Variants in SYT14 observed in about 807,000 individuals in gnomAD.
The protein encoded by SYT14 is synaptotagmin 14.
Under a neutral mutation model 74.2 loss-of-function variants are expected in SYT14, and 32 were observed. The observed-to-expected ratio is 0.43, with a 90% CI of 0.33 to 0.58. The LOEUF (loss-of-function observed/expected upper bound fraction) is 0.58. Ranked by LOEUF, SYT14 falls within the 20% of genes least tolerant of loss-of-function variation. The pLI is 0.05. For synonymous variants in SYT14, 298 were observed against 337.7 expected, an observed-to-expected ratio of 0.88 and a Z score of 1.29; for missense variants, 791 against 981.8, an observed-to-expected ratio of 0.81 and a Z score of 2.60.
intron 2 of SYT14, among the ~76,000 whole-genome samples, chr1:209,989,310 T>G (rs2079624599): frequency 6.6e-6 from 1 of 152,176 alleles, no homozygotes; most frequent in Non-Finnish European, 1.5e-5. Flanking sequence ...ACACAGGAAC[T>G]GAGAGTCCTG....
chr1:210,026,111 A>G (rs2080406032), intron 5 of SYT14, among the ~76,000 whole-genome samples: 1 of 152,070 alleles, frequency 6.6e-6, no homozygotes, highest in Admixed American at 6.5e-5. Context: ...TTTTGGAACT[A>G]CAAAAGGGAT....
At chr1:210,117,249 G>A (rs540830528) in intron 7 of SYT14, among the ~76,000 whole-genome samples, 1 of 152,056 alleles carries the variant, frequency 6.6e-6, no homozygotes, top group East Asian at 1.9e-4. Context: ...TGTTTATACT[G>A]TTATTTTTAT....
At position 210,107,904 on chromosome 1, in the gene SYT14, T is replaced by A. The variant is rs139147972; in HGVS notation, c.2034+7443T>A. Among the ~76,000 whole-genome samples the A allele has an allele frequency of 2.0e-3, 299 of 152,278 alleles. 2 individuals carry two copies. In the East Asian group the frequency reaches 0.034, roughly 17 times the overall value. ...ACTTCTATCTTTGTTTATTTCTGTCTTTGTTTTTTTATGATAATCATTTGT... is the reference window on the plus strand; with the variant it reads ...ACTTCTATCTTTGTTTATTTCTGTCATTGTTTTTTTATGATAATCATTTGT... On this transcript the variant is annotated intron_variant, in intron 7 of 9. Transcript: ENST00000637265.
chr1:209,958,767 C>A (rs1428290845), intron 2 of SYT14, among the ~76,000 whole-genome samples: 1 of 152,126 alleles, frequency 6.6e-6, no homozygotes, highest in Admixed American at 6.5e-5. Context: ...ATATCATCTT[C>A]AAATAATAAG....
chr1:210,100,250 G>A lies in SYT14; in HGVS notation c.1823G>A (p.Arg608Lys), dbSNP rs2082039240. 1.9e-6 allele frequency: 3 copies of A among 1,613,972 alleles called. No individual in the cohort carries two copies. The African/African-American group carries it at 4.0e-5, about 22-fold the overall frequency. ...CAGAGAGCAAAAACCAGCATCCAGA[G>A]AGGACCATGCCCTGTCTTCACAGAA... The change falls in exon 7 of 10, where the codon AGA becomes AAA. Residue 608 changes from arginine to lysine, a missense_variant. Physicochemically the swap from Arg to Lys is conservative, Grantham distance 26. Transcript: ENST00000637265.
At chr1:210,121,923 A>G (rs1209032292) in intron 7 of SYT14, among the ~76,000 whole-genome samples, 1 of 152,128 alleles carries the variant, frequency 6.6e-6, no homozygotes, top group Non-Finnish European at 1.5e-5. Flanking sequence ...ACATTGATAC[A>G]TATCAAGCAG....
chr1:209,955,930 C>T (rs759364251), intron 2 of SYT14, among the ~76,000 whole-genome samples: 56 of 152,240 alleles, frequency 3.7e-4, no homozygotes, highest in Middle Eastern at 6.8e-3. Context: ...AGTTGTGTTT[C>T]AATTTTGGTT....
chr1:210,167,234 T>TA (rs2083465569), exon 10 of SYT14: 1 of 152,206 alleles, frequency 6.6e-6, no homozygotes, highest in Non-Finnish European at 1.5e-5. Context: ...CATTCTTGCA[T>TA]ACAGTAAGAT....
At chr1:210,059,451 T>TATATATATATATAG (rs377050610) in intron 5 of SYT14, among the ~76,000 whole-genome samples, 104 of 69,898 alleles carry the variant, frequency 1.5e-3, no homozygotes, top group Non-Finnish European at 1.7e-3. Context: ...TATATATATA[T>TATATATATATATAG]AGAGAGAGAG....
At chr1:210,066,991 A>G (rs1490528432) in intron 5 of SYT14, among the ~76,000 whole-genome samples, 1 of 152,094 alleles carries the variant, frequency 6.6e-6, no homozygotes, top group Non-Finnish European at 1.5e-5. Flanking sequence ...TTCTATATAT[A>G]GTATAAGATA....
intron 5 of SYT14, among the ~76,000 whole-genome samples, chr1:210,070,165 C>A (rs1253999169): frequency 6.6e-6 from 1 of 152,078 alleles, no homozygotes; most frequent in Non-Finnish European, 1.5e-5. Flanking sequence ...CGCTCTCCAT[C>A]TCCTCCCCGA....
intron 5 of SYT14, among the ~76,000 whole-genome samples, chr1:210,093,711 C>T (rs1446459316): frequency 6.6e-6 from 1 of 151,968 alleles, no homozygotes; most frequent in Non-Finnish European, 1.5e-5. Context: ...CAGAACACAG[C>T]CTCCAGTCTT....
At chr1:209,960,621 T>G (rs1001387723) in intron 2 of SYT14, among the ~76,000 whole-genome samples, 3 of 152,102 alleles carry the variant, frequency 2.0e-5, no homozygotes, top group Non-Finnish European at 4.4e-5. Flanking sequence ...CACCTGTGGT[T>G]TTTTGAATGC....
intron 2 of SYT14, among the ~76,000 whole-genome samples, chr1:209,976,808 T>TA (rs2079374636): frequency 6.6e-6 from 1 of 152,304 alleles, no homozygotes; most frequent in South Asian, 2.1e-4. Flanking sequence ...AGTGGGGTGT[T>TA]AAAGTCTCCC....
At position 210,114,267 on chromosome 1, in the gene SYT14, A is replaced by C. The variant is rs1407417312; in HGVS notation, c.2034+13806A>C. On this transcript the variant is annotated intron_variant, in intron 7 of 9. Transcript: ENST00000637265. Reference sequence around the variant, plus strand: ...TTGGCCCAGTGGCCAGATTTCCAGCACTTAAAGCAAGATCCTGGGGGAGGA... The same window carrying C: ...TTGGCCCAGTGGCCAGATTTCCAGCCCTTAAAGCAAGATCCTGGGGGAGGA... Among the ~76,000 whole-genome samples, 8 of 151,520 alleles carry C rather than the reference A, an allele frequency of 5.3e-5. No individual in the cohort carries two copies. In the East Asian group the frequency reaches 1.5e-3, roughly 29 times the overall value.
At chr1:210,046,533 T>C (rs2080888633) in intron 5 of SYT14, among the ~76,000 whole-genome samples, 1 of 152,144 alleles carries the variant, frequency 6.6e-6, no homozygotes, top group Non-Finnish European at 1.5e-5. Context: ...TAATCCCTAC[T>C]CTCACCCTCA....
chr1:210,032,576 T>G (rs185934763), intron 5 of SYT14, among the ~76,000 whole-genome samples: 30 of 152,012 alleles, frequency 2.0e-4, no homozygotes, highest in Non-Finnish European at 3.5e-4. Flanking sequence ...GAAATCATAC[T>G]TGTTTGTTTA....
chr1:210,133,270 T>G (rs1294531715), intron 7 of SYT14, among the ~76,000 whole-genome samples: 2 of 152,216 alleles, frequency 1.3e-5, no homozygotes, highest in Admixed American at 1.3e-4. Context: ...GCAGTGACTT[T>G]TGCTGTATTC....
At chr1:210,100,825 TAAGAAG>T (rs2082051352) in intron 7 of SYT14, among the ~76,000 whole-genome samples, 1 of 152,134 alleles carries the variant, frequency 6.6e-6, no homozygotes, top group Non-Finnish European at 1.5e-5. Flanking sequence ...GGCAATACAT[TAAGAAG>T]TATCAGCCCC....
Sources: allele counts gnomAD v4.1 joint callset (sites outside exome capture counted in the v4.1 genomes callset), GRCh38; gene constraint gnomAD v4.1.1; transcripts MANE v1.5; gene names NCBI Gene and HGNC (gene_info 2026-07-23, HGNC 2026-07-21).